Variants in UIMC1 observed in about 807,000 individuals in gnomAD.
The protein encoded by UIMC1 is ubiquitin interaction motif containing 1.
UIMC1 carries 42 observed loss-of-function variants against 84.9 expected under a neutral mutation model. That is an observed-to-expected ratio of 0.49 (90% CI 0.39 to 0.64). The LOEUF (loss-of-function observed/expected upper bound fraction) is 0.64, where lower values mean the gene tolerates loss of function less well. Among genes scored for constraint, UIMC1 ranks in the 30% least tolerant of loss-of-function variants. The probability of loss-of-function intolerance (pLI) is 0.00; values close to 1 mark genes in which losing one functional copy is unlikely to be tolerated. For synonymous variants in UIMC1, 281 were observed against 293.0 expected, an observed-to-expected ratio of 0.96 and a Z score of 0.42; for missense variants, 825 against 847.6, an observed-to-expected ratio of 0.97 and a Z score of 0.33.
chr5:176,998,803 A>G (rs1396411577), intron 1 of UIMC1, among the ~76,000 whole-genome samples: 1 of 152,150 alleles, frequency 6.6e-6, no homozygotes, highest in East Asian at 1.9e-4. Context: ...AAAAAATTAT[A>G]CAAACCTTGG....
chr5:176,977,220 T>C (rs1770237764), intron 2 of UIMC1, among the ~76,000 whole-genome samples: 1 of 125,452 alleles, frequency 8.0e-6, no homozygotes, highest in Admixed American at 8.0e-5. Flanking sequence ...TAAGATTCTG[T>C]CTCAAAAAAA....
chr5:176,939,752 A>C (rs1476355065), intron 10 of UIMC1, among the ~76,000 whole-genome samples: 2 of 152,184 alleles, frequency 1.3e-5, no homozygotes, highest in Non-Finnish European at 2.9e-5. Flanking sequence ...CTATATTCTA[A>C]ATTTGTCTTC....
chr5:177,009,488 T>C (rs1487684534), upstream of UIMC1, among the ~76,000 whole-genome samples: 1 of 152,182 alleles, frequency 6.6e-6, no homozygotes, highest in Non-Finnish European at 1.5e-5. The surrounding 1 kb of genome is among the most constrained non-coding windows in gnomAD (Gnocchi z 4.3). Flanking sequence ...GTTTCCTTAA[T>C]ATTTACACCA....
At chr5:176,967,903 T>TAA (rs35985130) in intron 6 of UIMC1, among the ~76,000 whole-genome samples, 74 of 134,464 alleles carry the variant, frequency 5.5e-4, no homozygotes, top group South Asian at 1.7e-3. Context: ...ACCTTGTCTT[T>TAA]AAAAAAAAAA....
chr5:176,961,864 C>A (rs1191542722), intron 6 of UIMC1, among the ~76,000 whole-genome samples: 258 of 36,370 alleles, frequency 7.1e-3, no homozygotes, highest in East Asian at 0.021. Flanking sequence ...CCCCTCTGCC[C>A]GGCCAGCCGC....
At chr5:176,984,000 G>T (rs1234379423) in intron 1 of UIMC1, among the ~76,000 whole-genome samples, 5 of 109,094 alleles carry the variant, frequency 4.6e-5, no homozygotes, top group Admixed American at 2.1e-4. Context: ...CTGCCCGGCC[G>T]CCCCGTCTGG....
At chr5:177,004,429 C>A (rs1774985666) in intron 1 of UIMC1, among the ~76,000 whole-genome samples, 1 of 152,142 alleles carries the variant, frequency 6.6e-6, no homozygotes, top group Non-Finnish European at 1.5e-5. Context: ...AGCCTGTATA[C>A]AGTTCAACTA....
Position 176,915,439 on chromosome 5 carries a change from T to C in UIMC1, c.1598-4050A>G, listed in dbSNP as rs1028735934. Reference sequence around the variant, plus strand: ...AACCCTACAAAGAATATATCATTATTTCTATTTTACAGTAAATAATTTTTT... The same window carrying C: ...AACCCTACAAAGAATATATCATTATCTCTATTTTACAGTAAATAATTTTTT... On this transcript the variant is annotated intron_variant, in intron 10 of 14. Coordinates refer to ENST00000511320, the MANE Select transcript of UIMC1 (RefSeq NM_001199298.2). Among the ~76,000 whole-genome samples the C allele has an allele frequency of 4.6e-4, 69 of 151,264 alleles. 2 individuals carry two copies. The highest frequency in any genetic ancestry group is 3.9e-4 in the Admixed American group (6 of 15,228).
intron 2 of UIMC1, among the ~76,000 whole-genome samples, chr5:176,977,603 GAAAA>G (rs1180404200): frequency 8.6e-6 from 1 of 115,642 alleles, no homozygotes; most frequent in Non-Finnish European, 1.8e-5. Context: ...AAAAAGAAAA[GAAAA>G]AAAAAAACAG....
chr5:176,918,450 A>G (rs1761296450), intron 10 of UIMC1, among the ~76,000 whole-genome samples: 1 of 152,206 alleles, frequency 6.6e-6, no homozygotes, highest in Non-Finnish European at 1.5e-5. Flanking sequence ...TTATAAGTCA[A>G]TTTCTGTCCC....
At chr5:176,946,857 A>G (rs1301346924) in intron 9 of UIMC1, among the ~76,000 whole-genome samples, 1 of 152,178 alleles carries the variant, frequency 6.6e-6, no homozygotes, top group Non-Finnish European at 1.5e-5. Flanking sequence ...ACAAATAGCA[A>G]AGCCATTTGA....
At chr5:176,906,529 T>C (rs1432067111) in intron 13 of UIMC1, among the ~76,000 whole-genome samples, 4 of 152,214 alleles carry the variant, frequency 2.6e-5, no homozygotes, top group Non-Finnish European at 4.4e-5. Flanking sequence ...CAATAGCGAC[T>C]AATAACAACA....
chr5:177,016,651 G>C (rs141441216), intron 1 of UIMC1, among the ~76,000 whole-genome samples: 3 of 151,152 alleles, frequency 2.0e-5, no homozygotes, highest in African/African-American at 4.9e-5. Context: ...AGGTTGCAGT[G>C]AGCCGAGATC....
chr5:176,969,527 T>A (rs1718272799), intron 5 of UIMC1, 74 bp downstream of exon 5: 2 of 1,481,820 alleles, frequency 1.3e-6, no homozygotes, highest in South Asian at 1.2e-5. Context: ...TTTCCGTGTA[T>A]CTACTCTCAG....
chr5:176,933,282 T>C (rs981916447), intron 10 of UIMC1, among the ~76,000 whole-genome samples: 1 of 152,180 alleles, frequency 6.6e-6, no homozygotes, highest in Non-Finnish European at 1.5e-5. Context: ...GAAATATAAA[T>C]TGACTTTTTA....
At chr5:176,968,104 T>C (rs1768587280) in intron 6 of UIMC1, among the ~76,000 whole-genome samples, 1 of 152,108 alleles carries the variant, frequency 6.6e-6, no homozygotes, top group South Asian at 2.1e-4. Flanking sequence ...CCAGGTGTGG[T>C]GGCTCACGCC....
intron 10 of UIMC1, among the ~76,000 whole-genome samples, chr5:176,918,522 C>T (rs1482619035): frequency 6.6e-6 from 1 of 152,168 alleles, no homozygotes; most frequent in Non-Finnish European, 1.5e-5. Context: ...ACAATGAATT[C>T]ATTTTCTGAC....
intron 14 of UIMC1, 155 bp from the exon 15 acceptor site, chr5:176,905,647 G>C: frequency 1.3e-6 from 1 of 750,068 alleles, no homozygotes; most frequent in South Asian, 1.9e-5. Context: ...TGTTTTCACA[G>C]ATGAGGTCAC....
chr5:176,955,861 C>T (rs1766533037), intron 8 of UIMC1, 98 bp downstream of exon 8: 1 of 1,151,950 alleles, frequency 8.7e-7, no homozygotes, highest in Non-Finnish European at 1.3e-6. Flanking sequence ...TACATACAAA[C>T]CTCCAGAGAG....
Sources: allele counts gnomAD v4.1 joint callset (sites outside exome capture counted in the v4.1 genomes callset), GRCh38; gene constraint gnomAD v4.1.1; non-coding constraint Gnocchi (gnomAD v3.1); transcripts MANE v1.5; gene names NCBI Gene and HGNC (gene_info 2026-07-23, HGNC 2026-07-21).